SORCS2: variants seen among roughly 807,000 people sequenced by gnomAD.
SORCS2 encodes the protein VPS10 domain-containing receptor SorCS2.
Under a neutral mutation model 141.6 loss-of-function variants are expected in SORCS2, and 100 were observed. The ratio of observed to expected loss-of-function variants is 0.71; its 90% CI spans 0.60 to 0.83. The LOEUF (loss-of-function observed/expected upper bound fraction) is 0.83. SORCS2 is among the 40% of genes least tolerant of loss of function. SORCS2 has a pLI of 0.00. For missense variants in SORCS2, 1,646 were observed against 1,560.2 expected, an observed-to-expected ratio of 1.05 and a Z score of -0.93; for synonymous variants, 789 against 676.9, an observed-to-expected ratio of 1.17 and a Z score of -2.57.
At chr4:7,379,342 G>A (rs1478584409) in intron 1 of SORCS2, among the ~76,000 whole-genome samples, 1 of 152,194 alleles carries the variant, frequency 6.6e-6, no homozygotes. Flanking sequence ...GCCTTGGGGA[G>A]CAAACACAGC....
At chr4:7,614,815 C>G (rs1290257927) in intron 3 of SORCS2, among the ~76,000 whole-genome samples, 1 of 151,902 alleles carries the variant, frequency 6.6e-6, no homozygotes, top group Admixed American at 6.6e-5. Flanking sequence ...TATCCACCAA[C>G]CACCATCCAT....
chr4:7,725,410 C>T lies in SORCS2; in HGVS notation c.2745+123C>T, dbSNP rs564547103. ...ACCAGTGTAGGGTGCACTCCTCACC[C>T]TTGGGCCCCTCCTGGGGCAGTTGAG... On this transcript the variant is annotated intron_variant, in intron 20 of 26. Coordinates refer to ENST00000507866, the MANE Select transcript of SORCS2 (RefSeq NM_020777.3). The T allele has an allele frequency of 1.3e-5, 18 of 1,363,096 alleles. No homozygotes were observed. The South Asian group carries it at 2.5e-4, about 19-fold the overall frequency. 84.4% of individuals were successfully genotyped at this position (1,363,096 alleles called of 1,614,324 possible).
chr4:7,270,175 C>G (rs879749339), intron 1 of SORCS2, among the ~76,000 whole-genome samples: 2 of 152,240 alleles, frequency 1.3e-5, no homozygotes, highest in African/African-American at 4.8e-5. Context: ...GCCACCGTGC[C>G]CATGATGTGG....
intron 1 of SORCS2, among the ~76,000 whole-genome samples, chr4:7,248,457 G>C (rs919312269): frequency 6.6e-6 from 1 of 152,188 alleles, no homozygotes; most frequent in Non-Finnish European, 1.5e-5. Flanking sequence ...CTGTAATAAA[G>C]AAGATGATGA....
At chr4:7,308,753 G>A (rs1717998806) in intron 1 of SORCS2, among the ~76,000 whole-genome samples, 1 of 151,350 alleles carries the variant, frequency 6.6e-6, no homozygotes, top group African/African-American at 2.4e-5. Flanking sequence ...CCAGCACCCT[G>A]TCGTCTCGCT....
intron 2 of SORCS2, among the ~76,000 whole-genome samples, chr4:7,522,449 A>G (rs1733388458): frequency 6.6e-6 from 1 of 152,168 alleles, no homozygotes; most frequent in African/African-American, 2.4e-5. Context: ...AATTGGAATA[A>G]ATGTAGATTG....
At position 7,192,615 on chromosome 4, in the gene SORCS2, C is replaced by T. The variant is rs1726907339; in HGVS notation, c.-32C>T. 4.1e-6 allele frequency: 4 copies of T among 987,386 alleles called. No homozygotes were observed. The highest frequency in any genetic ancestry group is 3.6e-6 in the Non-Finnish European group (3 of 832,044). The allele number at this position is 987,386 out of a possible 1,614,324, so 61.2% of individuals were successfully genotyped here. A position where few individuals can be genotyped will look rare whatever the true frequency, so the allele number is the denominator to read the frequency against. On this transcript the variant is annotated 5_prime_UTR_variant, in exon 1 of 27. Coordinates refer to ENST00000507866, the MANE Select transcript of SORCS2 (RefSeq NM_020777.3). The surrounding 1 kb of genome is among the most constrained non-coding windows in gnomAD (Gnocchi z 4.0). ...CGCGGTCCCCTCGTCCGCGCCGCCCCGCCGCCGGCTCCGCTGCCGCCCCTG... is the reference window on the plus strand; with the variant it reads ...CGCGGTCCCCTCGTCCGCGCCGCCCTGCCGCCGGCTCCGCTGCCGCCCCTG...
intron 1 of SORCS2, among the ~76,000 whole-genome samples, chr4:7,234,167 T>C (rs1712097959): frequency 6.6e-6 from 1 of 152,220 alleles, no homozygotes; most frequent in Admixed American, 6.5e-5. Flanking sequence ...TGGCAGGTTC[T>C]TCCCTCGCCC....
At chr4:7,482,596 G>A (rs377465402) in intron 2 of SORCS2, among the ~76,000 whole-genome samples, 2 of 85,284 alleles carry the variant, frequency 2.3e-5, no homozygotes, top group Non-Finnish European at 4.4e-5. Context: ...ACCCCTGGCT[G>A]CTGTTCAGAC....
At chr4:7,461,166 A>G (rs930685817) in intron 2 of SORCS2, among the ~76,000 whole-genome samples, 3 of 114,040 alleles carry the variant, frequency 2.6e-5, no homozygotes, top group South Asian at 2.4e-4. Flanking sequence ...TCTCTCCCCA[A>G]ATTAAATTAT....
At chr4:7,660,350 A>T (rs1347404557) in intron 5 of SORCS2, among the ~76,000 whole-genome samples, 1 of 152,200 alleles carries the variant, frequency 6.6e-6, no homozygotes, top group Non-Finnish European at 1.5e-5. Context: ...CAGGGCAGCT[A>T]CAGTGTCTCC....
chr4:7,427,493 C>T (rs563964051), intron 2 of SORCS2, among the ~76,000 whole-genome samples: 28 of 152,234 alleles, frequency 1.8e-4, no homozygotes, highest in African/African-American at 5.8e-4. Flanking sequence ...TGGCAGGGGC[C>T]GAGGAGCTGG....
At chr4:7,269,686 G>A (rs969497936) in intron 1 of SORCS2, among the ~76,000 whole-genome samples, 1 of 152,232 alleles carries the variant, frequency 6.6e-6, no homozygotes, top group Non-Finnish European at 1.5e-5. Flanking sequence ...TGAGAGGCCT[G>A]AATGGCTTTG....
intron 1 of SORCS2, among the ~76,000 whole-genome samples, chr4:7,202,564 GC>G (rs766621813): frequency 1.6e-4 from 24 of 152,278 alleles, no homozygotes; most frequent in Middle Eastern, 6.8e-3. Flanking sequence ...ATAATTTCCT[GC>G]AATGTTGAGC....
At position 7,203,328 on chromosome 4, in the gene SORCS2, G is replaced by A. The variant is rs537065891; in HGVS notation, c.480+10202G>A. Among the ~76,000 whole-genome samples, 5 of 152,356 alleles carry A rather than the reference G, an allele frequency of 3.3e-5. No homozygotes were observed. In the South Asian group the frequency reaches 1.0e-3, roughly 32 times the overall value. On this transcript the variant is annotated intron_variant, in intron 1 of 26. Coordinates refer to ENST00000507866, the MANE Select transcript of SORCS2 (RefSeq NM_020777.3). Reference sequence around the variant, plus strand: ...AATCCCAGCTGCTTGGAAGGCTGAGGCAGAAGAATCGCTTGAATCAGGGAG... The same window carrying A: ...AATCCCAGCTGCTTGGAAGGCTGAGACAGAAGAATCGCTTGAATCAGGGAG...
intron 2 of SORCS2, among the ~76,000 whole-genome samples, chr4:7,520,287 T>G (rs889029813): frequency 6.6e-6 from 1 of 152,150 alleles, no homozygotes; most frequent in Non-Finnish European, 1.5e-5. Context: ...TGCAGGAGTT[T>G]ATAGATAGCG....
At chr4:7,335,909 C>G (rs1406901007) in intron 1 of SORCS2, among the ~76,000 whole-genome samples, 3 of 152,172 alleles carry the variant, frequency 2.0e-5, no homozygotes, top group Non-Finnish European at 4.4e-5. Context: ...CTACCGGTGA[C>G]CTGAGCTGCC....
At chr4:7,570,632 G>C (rs1715326922) in intron 3 of SORCS2, among the ~76,000 whole-genome samples, 2 of 152,238 alleles carry the variant, frequency 1.3e-5, no homozygotes, top group Admixed American at 1.3e-4. Flanking sequence ...GGGTTGAAGT[G>C]AGAGTGCCCA....
chr4:7,472,668 A>G (rs1730050136), intron 2 of SORCS2, among the ~76,000 whole-genome samples: 1 of 152,134 alleles, frequency 6.6e-6, no homozygotes, highest in Non-Finnish European at 1.5e-5. Context: ...CTAAAGCCGG[A>G]AGAAGTGGGA....
Sources: gnomAD v4.1 joint callset for allele counts (sites outside exome capture counted in the v4.1 genomes callset) on GRCh38, gnomAD v4.1.1 for gene constraint, Gnocchi (gnomAD v3.1) non-coding constraint, MANE v1.5 for transcripts, NCBI Gene and HGNC (gene_info 2026-07-23, HGNC 2026-07-21) for gene names.